The following ARK2C variants were observed in gnomAD, a reference collection of about 807,000 sequenced individuals.
The protein encoded by ARK2C is arkadia (RNF111) C-terminal like ring finger ubiquitin ligase 2C.
the ARK2C span, among the ~76,000 whole-genome samples, chr18:46,383,773 C>T: frequency 7.5e-3 from 1,134 of 152,142 alleles, 11 homozygotes; most frequent in African/African-American, 0.018. Flanking sequence ...CCAGGATGGT[C>T]TTGATCTGAC....
At chr18:46,455,707 G>C in the ARK2C span, among the ~76,000 whole-genome samples, 1 of 152,128 alleles carries the variant, frequency 6.6e-6, no homozygotes, top group African/African-American at 2.4e-5. Flanking sequence ...ATGATGGCAA[G>C]TGCCTGTAAT....
the ARK2C span, among the ~76,000 whole-genome samples, chr18:46,397,469 T>TGG: frequency 2.2e-5 from 2 of 90,812 alleles, no homozygotes; most frequent in African/African-American, 9.1e-5. Flanking sequence ...TGTGTGTGTG[T>TGG]GGTCATGCTG....
At chr18:46,338,250 C>A in the ARK2C span, among the ~76,000 whole-genome samples, 295 of 152,248 alleles carry the variant, frequency 1.9e-3, 2 homozygotes, top group African/African-American at 6.7e-3. Context: ...CTTCTATGTG[C>A]ATATTTAAAT....
At chr18:46,392,601 G>C in the ARK2C span, among the ~76,000 whole-genome samples, 1 of 152,336 alleles carries the variant, frequency 6.6e-6, no homozygotes, top group South Asian at 2.1e-4. Context: ...CCCTTGTCCG[G>C]GGTGATGGGT....
the ARK2C span, among the ~76,000 whole-genome samples, chr18:46,369,294 C>T: frequency 6.6e-6 from 1 of 151,796 alleles, no homozygotes; most frequent in East Asian, 1.9e-4. Flanking sequence ...CTGGCTGAGG[C>T]AGGGTGGCCT....
At chr18:46,384,882 A>G in the ARK2C span, among the ~76,000 whole-genome samples, 2 of 152,232 alleles carry the variant, frequency 1.3e-5, no homozygotes, top group African/African-American at 4.8e-5. Flanking sequence ...AATTAAATAT[A>G]AAATAGAATA....
the ARK2C span, among the ~76,000 whole-genome samples, chr18:46,359,807 G>T: frequency 3.9e-5 from 6 of 152,122 alleles, no homozygotes; most frequent in Non-Finnish European, 8.8e-5. Context: ...TAACTCTCCA[G>T]CCCTTGAGTC....
At chr18:46,395,839 G>A in the ARK2C span, among the ~76,000 whole-genome samples, 22 of 152,332 alleles carry the variant, frequency 1.4e-4, no homozygotes, top group East Asian at 4.2e-3. Context: ...TGGGAGGAAG[G>A]AGTTGAGTAG....
the ARK2C span, chr18:46,433,603 G>A: frequency 1.8e-6 from 2 of 1,106,064 alleles, no homozygotes; most frequent in South Asian, 1.7e-5. Context: ...CGTGGCCCGG[G>A]TGTGGCGGAG....
chr18:46,457,803 A>G, the ARK2C span: 1 of 152,670 alleles, frequency 6.6e-6, no homozygotes, highest in African/African-American at 2.4e-5. Context: ...CTCAGCCAGC[A>G]CTAAGGGCTG....
the ARK2C span, among the ~76,000 whole-genome samples, chr18:46,400,010 G>A: frequency 6.6e-6 from 1 of 152,214 alleles, no homozygotes; most frequent in East Asian, 1.9e-4. Context: ...CACCCCAGGT[G>A]TTCTGATCTT....
the ARK2C span, among the ~76,000 whole-genome samples, chr18:46,377,509 C>T: frequency 6.6e-5 from 10 of 151,946 alleles, no homozygotes; most frequent in African/African-American, 2.4e-4. Flanking sequence ...AGGGGATTTT[C>T]CTGGAGGAAG....
the ARK2C span, among the ~76,000 whole-genome samples, chr18:46,378,448 G>A: frequency 6.6e-6 from 1 of 152,164 alleles, no homozygotes; most frequent in African/African-American, 2.4e-5. Context: ...CCGTGGAGGG[G>A]CAGCGTGAGA....
At chr18:46,372,672 A>T in the ARK2C span, among the ~76,000 whole-genome samples, 1 of 152,166 alleles carries the variant, frequency 6.6e-6, no homozygotes, top group Non-Finnish European at 1.5e-5. Context: ...GGGGGCAGAG[A>T]CGCAGGAGGA....
the ARK2C span, among the ~76,000 whole-genome samples, chr18:46,341,566 A>T: frequency 2.6e-5 from 4 of 152,278 alleles, no homozygotes; most frequent in Admixed American, 2.6e-4. Flanking sequence ...AGAATGGCAG[A>T]TGGAAGGGGA....
the ARK2C span, chr18:46,456,493 C>T: frequency 6.4e-7 from 1 of 1,560,434 alleles, no homozygotes; most frequent in Non-Finnish European, 8.8e-7. Flanking sequence ...CTTGCCGGGC[C>T]TCTGACTCTC....
the ARK2C span, among the ~76,000 whole-genome samples, chr18:46,392,760 G>C: frequency 6.6e-6 from 1 of 152,202 alleles, no homozygotes; most frequent in South Asian, 2.1e-4. Context: ...TGCCCCGCCA[G>C]GTACCCAGCC....
chr18:46,391,576 AG>A, the ARK2C span, among the ~76,000 whole-genome samples: 2 of 152,020 alleles, frequency 1.3e-5, no homozygotes, highest in African/African-American at 4.8e-5. Context: ...GCCCTGCTCG[AG>A]CAGGGTAGTT....
At chr18:46,456,348 T>C in the ARK2C span, among the ~76,000 whole-genome samples, 1 of 152,170 alleles carries the variant, frequency 6.6e-6, no homozygotes, top group Admixed American at 6.5e-5. Context: ...TGTGGCTTTG[T>C]TTCAGGCTGA....
Sources: allele counts gnomAD v4.1 joint callset (sites outside exome capture counted in the v4.1 genomes callset), GRCh38; gene constraint gnomAD v4.1.1; transcripts MANE v1.5; gene names NCBI Gene and HGNC (gene_info 2026-07-23, HGNC 2026-07-21).